Variants in TMEM62 observed in about 807,000 individuals in gnomAD.
The protein encoded by TMEM62 is transmembrane protein 62.
A neutral mutation model predicts 70.4 loss-of-function variants in TMEM62; 41 were observed. That is an observed-to-expected ratio of 0.58 (90% confidence interval 0.45 to 0.76). The LOEUF (loss-of-function observed/expected upper bound fraction) is 0.76, where lower values mean the gene tolerates loss of function less well. Among genes scored for constraint, TMEM62 ranks in the 30% least tolerant of loss-of-function variants. TMEM62 has a pLI of 0.00. For synonymous variants in TMEM62, 268 were observed against 291.0 expected (o/e 0.92, Z 0.80); for missense variants, 688 against 788.5 (o/e 0.87, Z 1.53).
intron 13 of TMEM62, 36 bp from the exon 14 acceptor site, chr15:43,184,224 G>A (rs2041675304): frequency 6.4e-7 from 1 of 1,567,148 alleles, no homozygotes; most frequent in African/African-American, 1.4e-5. Context: ...CTCTTCCAAG[G>A]ACTTGGGAGT....
intron 7 of TMEM62, among the ~76,000 whole-genome samples, chr15:43,151,213 T>C (rs558610474): frequency 6.6e-6 from 1 of 151,146 alleles, no homozygotes; most frequent in East Asian, 2.0e-4. Flanking sequence ...GGCGGGCACC[T>C]GTAATCCCAG....
At chr15:43,170,711 C>A (rs1342448160) in intron 11 of TMEM62, among the ~76,000 whole-genome samples, 1 of 152,114 alleles carries the variant, frequency 6.6e-6, no homozygotes, top group Non-Finnish European at 1.5e-5. Context: ...TTATGGGAAG[C>A]CTGTTTAGAT....
intron 3 of TMEM62, among the ~76,000 whole-genome samples, chr15:43,137,710 G>A (rs1025501682): frequency 6.6e-6 from 1 of 152,370 alleles, no homozygotes; most frequent in African/African-American, 2.4e-5. Flanking sequence ...ATCATGGAGT[G>A]TGTAGACAGG....
At position 43,146,638 on chromosome 15, in the gene TMEM62, C is replaced by T. The variant is rs376041537; in HGVS notation, c.618+4C>T. ...TTTCTTTGGAATTTTAGATAAGGTG[C>T]AGTAAAAATCTTACTTCCCTTTGTA... On this transcript the variant is annotated splice_donor_region_variant and intron_variant, in intron 5 of 13. Transcript: ENST00000260403. The T allele has an allele frequency of 1.3e-4, 214 of 1,602,252 alleles. No individual in the cohort carries two copies. Among genetic ancestry groups the T allele is most frequent in the Non-Finnish European group, 1.7e-4 (199 of 1,175,592 alleles).
At chr15:43,138,780 C>T (rs1203830769) in intron 4 of TMEM62, among the ~76,000 whole-genome samples, 161 bp downstream of exon 4, 1 of 152,180 alleles carries the variant, frequency 6.6e-6, no homozygotes, top group African/African-American at 2.4e-5. Context: ...AAACGATCCT[C>T]CTGCCTCAGA....
Position 43,181,311 on chromosome 15 carries a change from GA to G in TMEM62, c.1605+16del, listed in dbSNP as rs2041306944. ...TTGGAATTCTCCAGGTAAGAAGTCA[GA>G]AAAGCAATTTAAGAACATCTTGGAC... On this transcript the variant is annotated intron_variant, in intron 13 of 13. Coordinates refer to ENST00000260403, the MANE Select transcript of TMEM62 (RefSeq NM_024956.4). 2 of 1,553,882 alleles carry G rather than the reference GA, an allele frequency of 1.3e-6. No homozygotes were observed. The highest frequency in any genetic ancestry group is 1.8e-6 in the Non-Finnish European group (2 of 1,125,894).
chr15:43,175,210 GA>G (rs1412091660), intron 11 of TMEM62, among the ~76,000 whole-genome samples: 1 of 152,144 alleles, frequency 6.6e-6, no homozygotes, highest in Admixed American at 6.5e-5. Context: ...AATACTTTGA[GA>G]AGTACAGACT....
At position 43,135,552 on chromosome 15, in the gene TMEM62, C is replaced by A. The variant is rs754530872; in HGVS notation, c.333C>A (p.Ser111=). ...TDAKTKEQLG[S]RQHEVEWQTY... is the part of the protein sequence containing the mutation. ...CCAAAACAAAGGAACAGTTGGGATCCAGGCAGCATGAGGTAGAATGGCAAA... is the reference window on the plus strand; with the variant it reads ...CCAAAACAAAGGAACAGTTGGGATCAAGGCAGCATGAGGTAGAATGGCAAA... The change falls in exon 3 of 14, where the codon TCC becomes TCA. Residue 111 remains serine (S), a synonymous_variant. Coordinates refer to ENST00000260403, the MANE Select transcript of TMEM62 (RefSeq NM_024956.4). 1.9e-5 allele frequency: 30 copies of A among 1,610,900 alleles called. No homozygotes were observed. Among genetic ancestry groups the A allele is most frequent in the Non-Finnish European group, 2.5e-5 (30 of 1,179,408 alleles).
chr15:43,181,051 T>C (rs1359193350), intron 12 of TMEM62, 130 bp from the exon 13 acceptor site: 1 of 687,994 alleles, frequency 1.5e-6, no homozygotes. Flanking sequence ...GAGGGAAGGC[T>C]ATGAAATAAA....
chr15:43,172,566 T>C (rs576657816), intron 11 of TMEM62, among the ~76,000 whole-genome samples: 2 of 152,342 alleles, frequency 1.3e-5, no homozygotes, highest in African/African-American at 2.4e-5. Context: ...GCTGGATATA[T>C]AGTTTTGTGA....
intron 11 of TMEM62, among the ~76,000 whole-genome samples, chr15:43,177,001 T>G (rs1325778367): frequency 6.6e-6 from 1 of 152,030 alleles, no homozygotes; most frequent in Non-Finnish European, 1.5e-5. Flanking sequence ...AAGGAGCTGA[T>G]GGAGCTGAAA....
intron 9 of TMEM62, 51 bp downstream of exon 9, chr15:43,154,882 A>G (rs533543124): frequency 2.4e-5 from 35 of 1,460,400 alleles, no homozygotes; most frequent in Middle Eastern, 1.9e-4. Context: ...TGTAGCCACA[A>G]TGAATTCTGG....
intron 13 of TMEM62, 92 bp from the exon 14 acceptor site, chr15:43,184,168 G>A (rs954558128): frequency 4.4e-6 from 5 of 1,130,870 alleles, no homozygotes; most frequent in Non-Finnish European, 6.4e-6. Context: ...AAGACAGATA[G>A]CAGCATAGTC....
intron 12 of TMEM62, among the ~76,000 whole-genome samples, chr15:43,180,247 C>A (rs564992420): frequency 1.3e-5 from 2 of 152,080 alleles, no homozygotes; most frequent in African/African-American, 2.4e-5. Flanking sequence ...CTCAGCCTCC[C>A]GACTAGCTGG....
At chr15:43,157,905 C>T (rs1157447506) in intron 9 of TMEM62, among the ~76,000 whole-genome samples, 4 of 152,100 alleles carry the variant, frequency 2.6e-5, no homozygotes, top group African/African-American at 9.7e-5. Flanking sequence ...TGGTTCAAAT[C>T]GGAATTCAAT....
At chr15:43,169,734 C>A in intron 11 of TMEM62, 57 bp downstream of exon 11, 1 of 1,434,890 alleles carries the variant, frequency 7.0e-7, no homozygotes, top group Non-Finnish European at 9.7e-7. Context: ...AACCAAACTC[C>A]GTAAAATATT....
At chr15:43,160,865 T>C (rs2038620324) in intron 10 of TMEM62, 71 bp downstream of exon 10, 1 of 737,508 alleles carries the variant, frequency 1.4e-6, no homozygotes, top group Non-Finnish European at 2.1e-6. Context: ...AGTCCTCCCT[T>C]ATCCATGATT....
chr15:43,184,653 C>T lies in TMEM62; in HGVS notation c.*67C>T, dbSNP rs554748885. The stretch of plus-strand genomic sequence containing the variant: ...TCTGTGTCTGTAGCCCAGGCCTCTA[C>T]CCCAGTAGCAGGTGGAGGGCCAGGA... On this transcript the variant is annotated 3_prime_UTR_variant, in exon 14 of 14. Transcript: ENST00000260403. 7.0e-7 allele frequency: 1 copy of T among 1,434,150 alleles called. No individual in the cohort carries two copies. The highest frequency in any genetic ancestry group is 2.3e-5 in the East Asian group (1 of 43,876). 88.8% of individuals were successfully genotyped at this position (1,434,150 alleles called of 1,614,324 possible). A position where few individuals can be genotyped will look rare whatever the true frequency, so the allele number is the denominator to read the frequency against.
At chr15:43,166,846 G>A (rs2039483602) in intron 10 of TMEM62, among the ~76,000 whole-genome samples, 1 of 152,160 alleles carries the variant, frequency 6.6e-6, no homozygotes, top group Non-Finnish European at 1.5e-5. Flanking sequence ...AGAGCACAGG[G>A]TTGGGGGTAA....
Sources: gnomAD v4.1 joint callset for allele counts (sites outside exome capture counted in the v4.1 genomes callset) on GRCh38, gnomAD v4.1.1 for gene constraint, MANE v1.5 for transcripts, NCBI Gene and HGNC (gene_info 2026-07-23, HGNC 2026-07-21) for gene names.